Variants in ABR observed in about 807,000 individuals in gnomAD.
ABR encodes the protein active breakpoint cluster region-related protein.
Under a neutral mutation model 107.2 loss-of-function variants are expected in ABR, and 35 were observed. The observed-to-expected ratio is 0.33, with a 90% CI of 0.25 to 0.43. The LOEUF is 0.43. ABR is among the 20% of genes least tolerant of loss of function. The pLI, the probability that ABR is intolerant of heterozygous loss-of-function variation, is 1.00. For synonymous variants in ABR, 498 were observed against 462.0 expected, an observed-to-expected ratio of 1.08 and a Z score of -1.00; for missense variants, 815 against 1,115.2, an observed-to-expected ratio of 0.73 and a Z score of 3.83.
intron 1 of ABR, among the ~76,000 whole-genome samples, chr17:1,145,849 C>G (rs888311719): frequency 1.3e-5 from 2 of 152,222 alleles, no homozygotes; most frequent in African/African-American, 4.8e-5. Flanking sequence ...AAGGCGTCCA[C>G]TTGCACCCCT....
At chr17:1,080,280 T>G (rs1038743983) in intron 5 of ABR, among the ~76,000 whole-genome samples, 6 of 151,852 alleles carry the variant, frequency 4.0e-5, no homozygotes, top group Admixed American at 3.9e-4. Flanking sequence ...GAGAGGAAGC[T>G]TCGAGGGAGG....
chr17:1,151,985 T>C (rs34970051), intron 1 of ABR, among the ~76,000 whole-genome samples: 10,404 of 149,412 alleles, frequency 0.07, 345 homozygotes, highest in Middle Eastern at 0.14. Context: ...AAACCCCGCC[T>C]CTACTAAAAA....
At chr17:1,082,434 C>G (rs1045065564) in intron 5 of ABR, among the ~76,000 whole-genome samples, 3 of 151,944 alleles carry the variant, frequency 2.0e-5, no homozygotes, top group Non-Finnish European at 2.9e-5. Context: ...GTGTTCCCAG[C>G]CAGGAAGGCT....
At chr17:1,020,705 A>C (rs554389787) in intron 16 of ABR, among the ~76,000 whole-genome samples, 2 of 152,220 alleles carry the variant, frequency 1.3e-5, no homozygotes, top group African/African-American at 4.8e-5. Flanking sequence ...CAGCGGGGAG[A>C]GGATTTGAGG....
intron 10 of ABR, among the ~76,000 whole-genome samples, chr17:1,060,429 C>A (rs557543513): frequency 6.6e-6 from 1 of 151,984 alleles, no homozygotes; most frequent in African/African-American, 2.4e-5. Context: ...GAAAAAGAAT[C>A]TGATACATCC....
intron 16 of ABR, among the ~76,000 whole-genome samples, chr17:1,034,255 A>C (rs377633208): frequency 6.6e-6 from 1 of 152,110 alleles, no homozygotes. Context: ...ACCTGGCCCC[A>C]CTCATGTCAC....
At chr17:1,167,213 C>A (rs1169408928) in intron 1 of ABR, among the ~76,000 whole-genome samples, 4 of 152,024 alleles carry the variant, frequency 2.6e-5, no homozygotes, top group Non-Finnish European at 5.9e-5. Flanking sequence ...TTCTGATGGC[C>A]CTTCTGCCCT....
intron 5 of ABR, among the ~76,000 whole-genome samples, chr17:1,079,613 A>AC (rs1171669531): frequency 6.6e-6 from 1 of 151,666 alleles, no homozygotes; most frequent in Non-Finnish European, 1.5e-5. Flanking sequence ...ACACGGTGAA[A>AC]CCCCATCTCT....
At chr17:1,123,972 T>C (rs1220126657) in intron 2 of ABR, among the ~76,000 whole-genome samples, 1 of 150,626 alleles carries the variant, frequency 6.6e-6, no homozygotes, top group Non-Finnish European at 1.5e-5. Flanking sequence ...CCCCCTTGCC[T>C]CCCACCTGCC....
intron 3 of ABR, among the ~76,000 whole-genome samples, chr17:1,098,770 G>A (rs9905944): frequency 0.028 from 4,306 of 152,264 alleles, 209 homozygotes; most frequent in African/African-American, 0.099. Flanking sequence ...GAGATGGGAC[G>A]TACTCAGCCT....
At chr17:1,064,235 G>C (rs55851350) in intron 10 of ABR, among the ~76,000 whole-genome samples, 1 of 46,272 alleles carries the variant, frequency 2.2e-5, no homozygotes, top group Admixed American at 2.2e-4. Context: ...TCCTCTAGAC[G>C]CTGCTGTTAT....
chr17:1,101,449 G>A (rs1289345850), intron 2 of ABR, among the ~76,000 whole-genome samples: 1 of 152,008 alleles, frequency 6.6e-6, no homozygotes, highest in Non-Finnish European at 1.5e-5. Context: ...CTGGGTTCTC[G>A]AACCGACTTT....
At chr17:1,041,340 G>A (rs936541651) in intron 16 of ABR, among the ~76,000 whole-genome samples, 5 of 152,240 alleles carry the variant, frequency 3.3e-5, no homozygotes, top group Non-Finnish European at 7.3e-5. Context: ...AGGTGAAAGC[G>A]TGGACGCACA....
intron 1 of ABR, among the ~76,000 whole-genome samples, chr17:1,208,162 G>A (rs557144870): frequency 2.0e-5 from 3 of 152,128 alleles, no homozygotes; most frequent in Non-Finnish European, 4.4e-5. Context: ...AGTTATGAGT[G>A]TTTATAAAAG....
upstream of ABR, among the ~76,000 whole-genome samples, chr17:1,191,354 CT>C (rs761910557): frequency 0.034 from 3,274 of 96,368 alleles, 74 homozygotes; most frequent in African/African-American, 0.12. Context: ...TTTTTCTTTT[CT>C]TTTTTTTTTT....
chr17:1,031,553 GCCCCCGAGCCCCCACCC>G, intron 16 of ABR: 1 of 154,252 alleles, frequency 6.5e-6, no homozygotes, highest in Non-Finnish European at 1.0e-5. Flanking sequence ...GCCCCGCAGC[GCCCCCGAGCCCCCACCC>G]CCCGGAACCT....
At position 1,010,386 on chromosome 17, in the gene ABR, T is replaced by G. The variant is rs942713421; in HGVS notation, c.2236+343A>C. On this transcript the variant is annotated intron_variant, in intron 20 of 22. Coordinates refer to ENST00000302538, the MANE Select transcript of ABR (RefSeq NM_021962.5). This position sits in a 1 kb window ranked among gnomAD's most constrained non-coding sequence, Gnocchi z 4.1. ...GAGTGCCCTATGGCTTAAGCCAGCC[T>G]CCTCCTTGGTTCTGGGATGCTGGCT... 2 of 308,852 alleles carry G rather than the reference T, an allele frequency of 6.5e-6. No homozygotes were observed. The highest frequency in any genetic ancestry group is 6.2e-6 in the Non-Finnish European group (1 of 162,498). 19.1% of individuals were successfully genotyped at this position (308,852 alleles called of 1,614,324 possible). A position where few individuals can be genotyped will look rare whatever the true frequency, so the allele number is the denominator to read the frequency against.
intron 2 of ABR, among the ~76,000 whole-genome samples, chr17:1,106,136 A>G (rs920307776): frequency 2.6e-5 from 4 of 152,166 alleles, no homozygotes; most frequent in Non-Finnish European, 5.9e-5. Context: ...GGGCTGAGAT[A>G]TGCAGCAAAC....
At chr17:1,202,505 G>C (rs1490670599) in intron 1 of ABR, among the ~76,000 whole-genome samples, 1 of 152,104 alleles carries the variant, frequency 6.6e-6, no homozygotes, top group Non-Finnish European at 1.5e-5. Flanking sequence ...ACACACACGT[G>C]CCCACTCATG....
Sources: allele counts gnomAD v4.1 joint callset (sites outside exome capture counted in the v4.1 genomes callset), GRCh38; gene constraint gnomAD v4.1.1; non-coding constraint Gnocchi (gnomAD v3.1); transcripts MANE v1.5; gene names NCBI Gene and HGNC (gene_info 2026-07-23, HGNC 2026-07-21).